Variants in PTGER4 observed in about 807,000 individuals in gnomAD.
PTGER4 encodes the protein prostaglandin E2 receptor EP4 subtype.
In PTGER4, 11 loss-of-function variants were observed where a neutral mutation model predicts 33.2. The ratio of observed to expected loss-of-function variants is 0.33; its 90% CI spans 0.21 to 0.55. The LOEUF (loss-of-function observed/expected upper bound fraction) is 0.55, where lower values mean the gene tolerates loss of function less well. Ranked by LOEUF, PTGER4 falls within the 20% of genes least tolerant of loss-of-function variation. PTGER4 has a pLI of 0.92. For synonymous variants in PTGER4, 275 were observed against 281.5 expected, an observed-to-expected ratio of 0.98 and a Z score of 0.23; for missense variants, 481 against 650.2, an observed-to-expected ratio of 0.74 and a Z score of 2.83.
the PTGER4 span, among the ~76,000 whole-genome samples, chr5:40,737,141 C>CA: frequency 1.3e-5 from 2 of 151,922 alleles, no homozygotes; most frequent in African/African-American, 2.4e-5. Flanking sequence ...ACTAAAAATA[C>CA]AAAAAATCAG....
At position 40,683,050 on chromosome 5, in the gene PTGER4, A is replaced by G. The variant is rs1741238144; in HGVS notation, c.867+1190A>G. ...TACTTTATCTAGAGTTTCTCTTGAA[A>G]GCAACTAGTTATGAGTTCTTCCATC... On this transcript the variant is annotated intron_variant, in intron 2 of 2. Transcript: ENST00000302472. This position sits in a 1 kb window ranked among gnomAD's most constrained non-coding sequence, Gnocchi z 4.2. Among the ~76,000 whole-genome samples, 1 of 152,240 alleles carries G rather than the reference A, an allele frequency of 6.6e-6. No individual in the cohort carries two copies. The highest frequency in any genetic ancestry group is 1.5e-5 in the Non-Finnish European group (1 of 68,036).
In PTGER4 at chr5:40,692,701, T is replaced by A; in HGVS notation, c.*323T>A. The A allele has an allele frequency of 9.4e-7, 1 of 1,065,796 alleles. No homozygotes were observed. Among genetic ancestry groups the A allele is most frequent in the East Asian group, 7.1e-5 (1 of 14,010 alleles). The allele number at this position is 1,065,796 out of a possible 1,614,324, so 66.0% of individuals were successfully genotyped here. Reference sequence around the variant, plus strand: ...TGCTGTCATAACATCCAGAGCTTTGTCGTATTTGGCACACAGCAGAGGCCC... The same window carrying A: ...TGCTGTCATAACATCCAGAGCTTTGACGTATTTGGCACACAGCAGAGGCCC... On this transcript the variant is annotated 3_prime_UTR_variant, in exon 3 of 3. Transcript: ENST00000302472.
In PTGER4 at chr5:40,692,520, C is replaced by A. The variant is rs948025430; in HGVS notation, c.*142C>A. 3.4e-6 allele frequency: 5 copies of A among 1,457,746 alleles called. No homozygotes were observed. The highest frequency in any genetic ancestry group is 1.4e-5 in the African/African-American group (1 of 70,438). The allele number at this position is 1,457,746 out of a possible 1,614,324, so 90.3% of individuals were successfully genotyped here. A position where few individuals can be genotyped will look rare whatever the true frequency, so the allele number is the denominator to read the frequency against. On this transcript the variant is annotated 3_prime_UTR_variant, in exon 3 of 3. Coordinates refer to ENST00000302472, the MANE Select transcript of PTGER4 (RefSeq NM_000958.3). Reference sequence around the variant, plus strand: ...ATTAGAGAACATCCTGGCTTTTGAGCACTTTTCAAACAATCAAGTTGACTC... The same window carrying A: ...ATTAGAGAACATCCTGGCTTTTGAGAACTTTTCAAACAATCAAGTTGACTC...
In PTGER4 at chr5:40,692,293, G is replaced by A. The variant is rs1041796798; in HGVS notation, c.1382G>A (p.Gly461Asp). The part of the protein sequence containing the change: ...VLLVDEAGGS[G>D]RAGPAPKGSS... ...CTGGTGGATGAGGCTGGTGGGAGCGGCAGGGCTGGGCCTGCCCCTAAGGGG... is the reference window on the plus strand; with the variant it reads ...CTGGTGGATGAGGCTGGTGGGAGCGACAGGGCTGGGCCTGCCCCTAAGGGG... The change falls in exon 3 of 3, where the codon GGC becomes GAC. Residue 461 changes from glycine (G) to aspartate (D), a missense_variant. Coordinates refer to ENST00000302472, the MANE Select transcript of PTGER4 (RefSeq NM_000958.3). 1.9e-6 allele frequency: 3 copies of A among 1,613,580 alleles called. No individual in the cohort carries two copies. Among genetic ancestry groups the A allele is most frequent in the Non-Finnish European group, 2.5e-6 (3 of 1,179,900 alleles).
At chr5:40,718,680 G>C in the PTGER4 span, among the ~76,000 whole-genome samples, 1 of 152,076 alleles carries the variant, frequency 6.6e-6, no homozygotes, top group Admixed American at 6.5e-5. Flanking sequence ...AGAGGTTGCA[G>C]TGAGCCGAGA....
At chr5:40,719,524 T>G in the PTGER4 span, among the ~76,000 whole-genome samples, 1 of 152,252 alleles carries the variant, frequency 6.6e-6, no homozygotes, top group African/African-American at 2.4e-5. Flanking sequence ...TATGTAAATG[T>G]TTTTGTGTGG....
the PTGER4 span, among the ~76,000 whole-genome samples, chr5:40,735,814 C>A: frequency 6.6e-6 from 1 of 152,102 alleles, no homozygotes; most frequent in Non-Finnish European, 1.5e-5. Flanking sequence ...CAATAAATGA[C>A]AACAGAGAAG....
chr5:40,733,699 G>A, the PTGER4 span, among the ~76,000 whole-genome samples: 1 of 152,284 alleles, frequency 6.6e-6, no homozygotes, highest in Middle Eastern at 3.4e-3. Flanking sequence ...GCACAATAAA[G>A]AGCTGTCTTG....
chr5:40,744,159 T>C, the PTGER4 span, among the ~76,000 whole-genome samples: 4 of 152,226 alleles, frequency 2.6e-5, no homozygotes, highest in Non-Finnish European at 5.9e-5. Context: ...TTACATTTGG[T>C]TTTCTTCTAA....
At chr5:40,724,225 T>C in the PTGER4 span, among the ~76,000 whole-genome samples, 5 of 152,202 alleles carry the variant, frequency 3.3e-5, no homozygotes, top group Non-Finnish European at 7.3e-5. Flanking sequence ...ATACACAACA[T>C]GGATGGGACT....
chr5:40,744,165 T>C, the PTGER4 span, among the ~76,000 whole-genome samples: 3 of 152,240 alleles, frequency 2.0e-5, no homozygotes, highest in African/African-American at 7.2e-5. Context: ...TTGGTTTTCT[T>C]CTAAGACAGA....
At chr5:40,697,258 G>GAAAT (rs1425410618), downstream of PTGER4, among the ~76,000 whole-genome samples, 1 of 101,466 alleles carries the variant, frequency 9.9e-6, no homozygotes. Context: ...AAGAAAGAAA[G>GAAAT]AAAGAAAGAA....
chr5:40,733,999 C>T, the PTGER4 span, among the ~76,000 whole-genome samples: 201 of 152,296 alleles, frequency 1.3e-3, 1 homozygote, highest in African/African-American at 4.7e-3. Context: ...ATTTTGAAAG[C>T]ATAACCATTG....
At chr5:40,733,274 C>T in the PTGER4 span, among the ~76,000 whole-genome samples, 1 of 152,070 alleles carries the variant, frequency 6.6e-6, no homozygotes, top group African/African-American at 2.4e-5. Flanking sequence ...GGCTGAAGGT[C>T]TTTGGTCTCT....
chr5:40,681,664 G>T lies in PTGER4; in HGVS notation c.671G>T (p.Gly224Val). Residue 224 changes from glycine to valine, a missense_variant, in exon 2 of 3, where the codon GGC (glycine) becomes GTC (valine). By Grantham distance (109) the Gly-to-Val change is moderately radical. Around this residue, in one of 7 missense-constraint regions of PTGER4, gnomAD observed 174 missense variants for 210.5 expected, o/e 0.83. Coordinates refer to ENST00000302472, the MANE Select transcript of PTGER4 (RefSeq NM_000958.3). The surrounding 1 kb of genome is among the most constrained non-coding windows in gnomAD (Gnocchi z 9.8). ...CAGTTCATGCGCCGCACCTCGCTGGGCACCGAGCAGCACCACGCGGCCGCG... is the reference window on the plus strand; with the variant it reads ...CAGTTCATGCGCCGCACCTCGCTGGTCACCGAGCAGCACCACGCGGCCGCG... ...HRQFMRRTSL[G>V]TEQHHAAAAA... 6.3e-7 allele frequency: 1 copy of T among 1,584,598 alleles called. No individual in the cohort carries two copies.
At chr5:40,728,230 G>T in the PTGER4 span, 1 of 815,740 alleles carries the variant, frequency 1.2e-6, no homozygotes, top group Non-Finnish European at 1.7e-6. Context: ...GTTGCCGTGA[G>T]CTGAGATTGC....
chr5:40,685,796 C>A (rs1025987648), intron 2 of PTGER4, among the ~76,000 whole-genome samples: 1 of 152,096 alleles, frequency 6.6e-6, no homozygotes, highest in African/African-American at 2.4e-5. Flanking sequence ...TAGGTGAGTC[C>A]TCGTCTAATG....
the PTGER4 span, among the ~76,000 whole-genome samples, chr5:40,738,564 AAATAT>A: frequency 9.1e-6 from 1 of 109,534 alleles, no homozygotes; most frequent in African/African-American, 3.0e-5. Context: ...AAATAAAATA[AAATAT>A]AAAATAAAAT....
the PTGER4 span, among the ~76,000 whole-genome samples, chr5:40,744,489 T>TTG: frequency 1.3e-5 from 2 of 150,280 alleles, no homozygotes; most frequent in African/African-American, 4.9e-5. Context: ...TCTTACCAGT[T>TTG]TTTTTTTTTT....
Sources: allele counts gnomAD v4.1 joint callset (sites outside exome capture counted in the v4.1 genomes callset), GRCh38; gene constraint gnomAD v4.1.1; regional missense constraint gnomAD v4.1.1; non-coding constraint Gnocchi (gnomAD v3.1); transcripts MANE v1.5; gene names NCBI Gene and HGNC (gene_info 2026-07-23, HGNC 2026-07-21).